Variants in GARNL3 observed in about 807,000 individuals in gnomAD.
The protein encoded by GARNL3 is GTPase activating Rap/RanGAP domain like 3, also known as GTPase-activating Rap/Ran-GAP domain-like protein 3.
GARNL3 carries 63 observed loss-of-function variants against 125.0 expected under a neutral mutation model. That is an observed-to-expected ratio of 0.50 (90% CI 0.41 to 0.62). The LOEUF is 0.62. Among genes scored for constraint, GARNL3 ranks in the 20% least tolerant of loss-of-function variants. The pLI is 0.00. For synonymous variants in GARNL3, 439 were observed against 457.5 expected (o/e 0.96, Z 0.52); for missense variants, 994 against 1,244.0 (o/e 0.80, Z 3.02).
At chr9:127,329,944 G>C (rs902027873) in intron 7 of GARNL3, among the ~76,000 whole-genome samples, 12 of 152,180 alleles carry the variant, frequency 7.9e-5, no homozygotes, top group African/African-American at 2.9e-4. Context: ...CTAGCTGTCA[G>C]CTCAGCTGGA....
intron 21 of GARNL3, among the ~76,000 whole-genome samples, chr9:127,358,151 C>A (rs1223364884): frequency 6.6e-6 from 1 of 152,188 alleles, no homozygotes; most frequent in Non-Finnish European, 1.5e-5. Context: ...GGGGTTTGAA[C>A]CTTGGCGCCC....
intron 22 of GARNL3, among the ~76,000 whole-genome samples, chr9:127,370,848 A>G (rs2131749511): frequency 6.6e-6 from 1 of 152,120 alleles, no homozygotes; most frequent in South Asian, 2.1e-4. Context: ...TGCAAGCTTG[A>G]TTGCCAGTGT....
At chr9:127,282,535 A>C (rs2064131596) in intron 1 of GARNL3, among the ~76,000 whole-genome samples, 1 of 152,216 alleles carries the variant, frequency 6.6e-6, no homozygotes, top group South Asian at 2.1e-4. Flanking sequence ...CATGGCTAAC[A>C]AGTATGGAAG....
intron 2 of GARNL3, 137 bp from the exon 3 acceptor site, chr9:127,311,499 T>A (rs1374854589): frequency 1.6e-6 from 1 of 622,258 alleles, no homozygotes; most frequent in Non-Finnish European, 2.8e-6. Context: ...TCTTTTCTAA[T>A]GAGAACATGC....
chr9:127,251,501 A>G (rs904892808), intron 2 of GARNL3, among the ~76,000 whole-genome samples: 1 of 152,202 alleles, frequency 6.6e-6, no homozygotes, highest in Non-Finnish European at 1.5e-5. Context: ...CCTTAAAAGC[A>G]CAGAGTAAGC....
intron 2 of GARNL3, among the ~76,000 whole-genome samples, chr9:127,303,856 C>T (rs2064871285): frequency 6.6e-6 from 1 of 152,104 alleles, no homozygotes; most frequent in Admixed American, 6.6e-5. Context: ...CCGTCACATC[C>T]CACAAGTATA....
At position 127,365,348 on chromosome 9, in the gene GARNL3, T is replaced by C; in HGVS notation, c.2143T>C (p.Leu715=). The change falls in exon 22 of 28, where the codon TTG becomes CTG. Residue 715 remains leucine (L), a synonymous_variant. Transcript: ENST00000373387. ...TGTGTACGAAGATGGAGAAGCTGGT[T>C]TGCTGTTGTGTTACAACTGTAAGTT... is the stretch of plus-strand genomic sequence containing the variant. ...IDVYEDGEAG[L]LLCYNYSCIY... The C allele has an allele frequency of 6.2e-7, 1 of 1,613,852 alleles. No homozygotes were observed. Among genetic ancestry groups the C allele is most frequent in the Non-Finnish European group, 8.5e-7 (1 of 1,179,704 alleles).
chr9:127,272,493 T>C (rs1460720713), intron 1 of GARNL3, among the ~76,000 whole-genome samples: 2 of 134,958 alleles, frequency 1.5e-5, no homozygotes, highest in African/African-American at 5.5e-5. Context: ...CCAACTCTTT[T>C]TTTTTTTTGA....
intron 7 of GARNL3, among the ~76,000 whole-genome samples, chr9:127,330,512 T>C (rs1829162984): frequency 6.6e-6 from 1 of 152,242 alleles, no homozygotes; most frequent in Non-Finnish European, 1.5e-5. Flanking sequence ...TTTTCCAATG[T>C]ACTATGGTCA....
intron 22 of GARNL3, among the ~76,000 whole-genome samples, chr9:127,369,394 G>T (rs12345082): frequency 0.021 from 3,265 of 152,316 alleles, 137 homozygotes; most frequent in African/African-American, 0.074. Flanking sequence ...AAAGAGCTGT[G>T]CCTGGAACTC....
intron 9 of GARNL3, 140 bp from the exon 10 acceptor site, chr9:127,335,090 T>G: frequency 1.6e-6 from 1 of 626,686 alleles, no homozygotes; most frequent in Non-Finnish European, 2.9e-6. Flanking sequence ...AAGTGGAGGG[T>G]TGTTGCTTCC....
upstream of GARNL3, among the ~76,000 whole-genome samples, chr9:127,259,652 A>G (rs1253181035): frequency 6.6e-6 from 1 of 152,188 alleles, no homozygotes; most frequent in Non-Finnish European, 1.5e-5. Flanking sequence ...TAAAAGGCAA[A>G]GCATTTTATT....
intron 9 of GARNL3, among the ~76,000 whole-genome samples, chr9:127,334,022 C>G (rs1829412719): frequency 6.6e-6 from 1 of 152,022 alleles, no homozygotes; most frequent in Non-Finnish European, 1.5e-5. Flanking sequence ...GACAGGGGAA[C>G]TAATTCAAGA....
At chr9:127,330,762 G>A (rs1482132421) in intron 7 of GARNL3, among the ~76,000 whole-genome samples, 1 of 152,196 alleles carries the variant, frequency 6.6e-6, no homozygotes, top group Non-Finnish European at 1.5e-5. Context: ...CCTACGTGAT[G>A]GGAGAGAGCC....
At chr9:127,259,772 C>T (rs2063552110), upstream of GARNL3, among the ~76,000 whole-genome samples, 1 of 152,062 alleles carries the variant, frequency 6.6e-6, no homozygotes, top group Non-Finnish European at 1.5e-5. Context: ...TGTGGTGGCT[C>T]ATACCTGTAA....
At chr9:127,383,145 A>G (rs1290134596) in intron 22 of GARNL3, among the ~76,000 whole-genome samples, 3 of 152,236 alleles carry the variant, frequency 2.0e-5, no homozygotes, top group Non-Finnish European at 2.9e-5. Flanking sequence ...TAATAATGGT[A>G]TCTACTTTGT....
At chr9:127,237,374 T>G (rs1201207106) in intron 1 of GARNL3, among the ~76,000 whole-genome samples, 1 of 152,210 alleles carries the variant, frequency 6.6e-6, no homozygotes, top group Non-Finnish European at 1.5e-5. Context: ...ATCCTCTCTT[T>G]TGCACCACTG....
intron 22 of GARNL3, among the ~76,000 whole-genome samples, chr9:127,382,770 G>T (rs941274884): frequency 6.6e-6 from 1 of 152,180 alleles, no homozygotes; most frequent in African/African-American, 2.4e-5. Flanking sequence ...GTACTTGAAT[G>T]AACCTTGTGT....
chr9:127,241,749 TTTTG>T (rs139658317), intron 1 of GARNL3, among the ~76,000 whole-genome samples: 23,369 of 151,470 alleles, frequency 0.15, 5,248 homozygotes, highest in African/African-American at 0.5. Context: ...TTTTGAGGTT[TTTTG>T]TTTGTTTGTT....
Sources: allele counts gnomAD v4.1 joint callset (sites outside exome capture counted in the v4.1 genomes callset), GRCh38; gene constraint gnomAD v4.1.1; transcripts MANE v1.5; gene names NCBI Gene and HGNC (gene_info 2026-07-23, HGNC 2026-07-21).